Variants in BBX observed in about 807,000 individuals in gnomAD.
BBX encodes the protein HMG box transcription factor BBX.
Under a neutral mutation model 100.2 loss-of-function variants are expected in BBX, and 30 were observed. The ratio of observed to expected loss-of-function variants is 0.30; its 90% CI spans 0.22 to 0.41. BBX has a LOEUF of 0.41. BBX is among the 10% of genes least tolerant of loss of function. The pLI is 1.00. For synonymous variants in BBX, 376 were observed against 388.1 expected, an observed-to-expected ratio of 0.97 and a Z score of 0.37; for missense variants, 1,023 against 1,129.8, an observed-to-expected ratio of 0.91 and a Z score of 1.35.
intron 9 of BBX, among the ~76,000 whole-genome samples, chr3:107,750,503 A>G (rs1052959939): frequency 6.6e-6 from 1 of 152,196 alleles, no homozygotes; most frequent in Non-Finnish European, 1.5e-5. Context: ...TTCCTCAGCA[A>G]GTTAAATTAT....
At chr3:107,576,934 C>A (rs557328795) in intron 2 of BBX, among the ~76,000 whole-genome samples, 2 of 152,230 alleles carry the variant, frequency 1.3e-5, no homozygotes, top group Middle Eastern at 6.8e-3. Flanking sequence ...GATCTTGGCT[C>A]ACTGCAACCT....
chr3:107,585,838 A>T (rs1234354772), intron 2 of BBX, among the ~76,000 whole-genome samples: 1 of 152,174 alleles, frequency 6.6e-6, no homozygotes, highest in East Asian at 1.9e-4. Context: ...CAGTAGGCGG[A>T]TGTAAGAAAA....
In BBX at chr3:107,774,838, A is replaced by G. The variant is rs764105961; in HGVS notation, c.2035A>G (p.Lys679Glu). ...GSKKFKKTKP[K>E]EDCLLGSAKL... ...CAAGAAGTTCAAGAAGACAAAGCCA[A>G]AAGAAGACTGTCTCCTTGGGTAAGT... The change falls in exon 12 of 18, where the codon AAA becomes GAA. Residue 679 changes from lysine (K) to glutamate (E), a missense_variant. Transcript: ENST00000325805. The G allele has an allele frequency of 6.2e-7, 1 of 1,613,348 alleles. No individual in the cohort carries two copies. The highest frequency in any genetic ancestry group is 1.1e-5 in the South Asian group (1 of 91,032).
chr3:107,759,021 A>C (rs2065696073), intron 10 of BBX, among the ~76,000 whole-genome samples: 1 of 152,154 alleles, frequency 6.6e-6, no homozygotes, highest in African/African-American at 2.4e-5. Context: ...AGAAGTAAGA[A>C]ATATTTGGGG....
Position 107,716,791 on chromosome 3 carries a change from A to G in BBX, c.347A>G (p.Asp116Gly), listed in dbSNP as rs749470151. The G allele has an allele frequency of 1.4e-5, 22 of 1,613,592 alleles. No homozygotes were observed. Among genetic ancestry groups the G allele is most frequent in the East Asian group, 1.1e-4 (5 of 44,886 alleles). The change falls in exon 5 of 18, where the codon GAT becomes GGT. Residue 116 changes from aspartate (D) to glycine (G), a missense_variant. By Grantham distance (94) the Asp-to-Gly change is moderately conservative (BLOSUM62 -1). Coordinates refer to ENST00000325805, the MANE Select transcript of BBX (RefSeq NM_001142568.3). ...DNRGATKILADWWAVLDPKEK... is the reference protein window; with the variant it reads ...DNRGATKILAGWWAVLDPKEK... ...CGAGGTGCTACCAAGATACTAGCTG[A>G]TTGGTGGGCTGTTCTTGATCCAAAG... is the stretch of plus-strand genomic sequence containing the variant.
At chr3:107,523,866 C>T (rs2107262032) in intron 1 of BBX, among the ~76,000 whole-genome samples, 1 of 152,162 alleles carries the variant, frequency 6.6e-6, no homozygotes, top group Admixed American at 6.5e-5. Context: ...ACCCCCCACC[C>T]CTACCCAAAT....
intron 10 of BBX, among the ~76,000 whole-genome samples, chr3:107,772,338 A>G (rs1443011352): frequency 5.3e-5 from 8 of 152,158 alleles, no homozygotes; most frequent in Non-Finnish European, 7.3e-5. Context: ...TCAACTCTGA[A>G]TCCCTTCCTC....
At chr3:107,801,942 G>C (rs1333628305) in intron 17 of BBX, among the ~76,000 whole-genome samples, 1 of 152,182 alleles carries the variant, frequency 6.6e-6, no homozygotes, top group African/African-American at 2.4e-5. Flanking sequence ...ATTGAGCATA[G>C]TGATATCGCC....
chr3:107,642,113 AT>A (rs945580889), intron 2 of BBX, among the ~76,000 whole-genome samples: 1 of 152,228 alleles, frequency 6.6e-6, no homozygotes, highest in African/African-American at 2.4e-5. Context: ...AACAGTTGGT[AT>A]AACAACATCA....
intron 2 of BBX, among the ~76,000 whole-genome samples, chr3:107,559,933 G>A (rs2050358904): frequency 6.6e-6 from 1 of 151,932 alleles, no homozygotes; most frequent in Non-Finnish European, 1.5e-5. Context: ...TTGTAGAGAC[G>A]AGGTTTTGCC....
At chr3:107,697,791 C>T (rs1047368283) in intron 3 of BBX, among the ~76,000 whole-genome samples, 1 of 151,890 alleles carries the variant, frequency 6.6e-6, no homozygotes, top group Admixed American at 6.5e-5. Flanking sequence ...CGCCCCTCCC[C>T]CAGCCTCGCT....
intron 3 of BBX, among the ~76,000 whole-genome samples, chr3:107,683,056 C>CGTA (rs1334242200): frequency 2.6e-5 from 4 of 152,008 alleles, no homozygotes; most frequent in Non-Finnish European, 1.5e-5. Context: ...ATGCATATAC[C>CGTA]ACTCCATATC....
At chr3:107,673,242 C>T (rs973520065) in intron 3 of BBX, among the ~76,000 whole-genome samples, 2 of 151,960 alleles carry the variant, frequency 1.3e-5, no homozygotes, top group Admixed American at 1.3e-4. Flanking sequence ...TTAGAGAAAA[C>T]GTTCCTTGTA....
At chr3:107,566,130 G>T (rs900529074) in intron 2 of BBX, among the ~76,000 whole-genome samples, 1 of 129,470 alleles carries the variant, frequency 7.7e-6, no homozygotes, top group Admixed American at 9.6e-5. Context: ...AGCCGAGATC[G>T]CGCCATTGCA....
chr3:107,595,900 C>T (rs750043982), intron 2 of BBX, among the ~76,000 whole-genome samples: 1 of 152,150 alleles, frequency 6.6e-6, no homozygotes, highest in East Asian at 1.9e-4. Flanking sequence ...GGAAGCCTTA[C>T]CAGCAACATA....
chr3:107,667,142 AG>A (rs1448870698), intron 3 of BBX, among the ~76,000 whole-genome samples: 2 of 152,240 alleles, frequency 1.3e-5, no homozygotes, highest in Admixed American at 6.5e-5. Context: ...GAATTCAAGG[AG>A]AGAAACATTC....
intron 5 of BBX, among the ~76,000 whole-genome samples, chr3:107,718,317 A>G (rs1208917066): frequency 6.7e-6 from 1 of 148,440 alleles, no homozygotes; most frequent in Non-Finnish European, 1.5e-5. Flanking sequence ...TATAATAATT[A>G]TATAATTAAT....
chr3:107,607,104 CT>C (rs908516934), intron 2 of BBX, among the ~76,000 whole-genome samples: 8 of 149,386 alleles, frequency 5.4e-5, no homozygotes, highest in Non-Finnish European at 6.0e-5. Flanking sequence ...AGATCTTATT[CT>C]TTTTTTTTTG....
At chr3:107,553,214 T>G (rs190156414) in intron 2 of BBX, among the ~76,000 whole-genome samples, 24 of 152,358 alleles carry the variant, frequency 1.6e-4, no homozygotes, top group Middle Eastern at 3.4e-3. Flanking sequence ...TAATTACTAC[T>G]GATTATGGAA....
Sources: allele counts gnomAD v4.1 joint callset (sites outside exome capture counted in the v4.1 genomes callset), GRCh38; gene constraint gnomAD v4.1.1; transcripts MANE v1.5; gene names NCBI Gene and HGNC (gene_info 2026-07-23, HGNC 2026-07-21).